SRXN1: variants seen among roughly 807,000 people sequenced by gnomAD.
The protein encoded by SRXN1 is sulfiredoxin 1.
Under a neutral mutation model 11.0 loss-of-function variants are expected in SRXN1, and 11 were observed. The ratio of observed to expected loss-of-function variants is 1.00; its 90% confidence interval spans 0.63 to 1.65. The LOEUF is 1.65. Among genes scored for constraint, SRXN1 ranks in the 40% most tolerant of loss-of-function variants. The probability of loss-of-function intolerance (pLI) is 0.00; values close to 1 mark genes in which losing one functional copy is unlikely to be tolerated. For synonymous variants in SRXN1, 106 were observed against 92.8 expected (o/e 1.14, Z -0.82); for missense variants, 211 against 194.5 (o/e 1.08, Z -0.50).
At chr20:650,831 C>T (rs1338466754) in intron 1 of SRXN1, among the ~76,000 whole-genome samples, 1 of 152,240 alleles carries the variant, frequency 6.6e-6, no homozygotes, top group Non-Finnish European at 1.5e-5. Context: ...CCAGGCAGGC[C>T]TTGTGCCGGG....
chr20:648,869 C>A lies in SRXN1; in HGVS notation c.259G>T (p.Ala87Ser), dbSNP rs1481622613. 10 of 1,614,070 alleles carry A rather than the reference C, an allele frequency of 6.2e-6. No homozygotes were observed. Among genetic ancestry groups the A allele is most frequent in the Non-Finnish European group, 8.5e-6 (10 of 1,180,052 alleles). ...PPIDVLWIKG[A>S]QGGDYFYSFG... ...GAGTAGAAGTAGTCACCTCCCTGGG[C>A]CCCTTTGATCCAGAGGACATCGATG... The change falls in exon 2 of 2, where the codon GCC (alanine) becomes TCC (serine). Residue 87 changes from alanine to serine, a missense_variant. Physicochemically the swap from Ala to Ser is moderately conservative, Grantham distance 99. Transcript: ENST00000381962.
Position 652,991 on chromosome 20 carries a change from G to T in SRXN1, c.195C>A (p.Leu65=), listed in dbSNP as rs373618818. The part of the protein sequence containing the change: ...SVLDPAKVQS[L]VDTIREDPDS... ...GAGGCCTCACCCGGATCGTGTCCAC[G>T]AGGCTCTGCACCTTGGCGGGGTCCA... Residue 65 remains leucine (L), a synonymous_variant, in exon 1 of 2, where the codon CTC becomes CTA. Coordinates refer to ENST00000381962, the MANE Select transcript of SRXN1 (RefSeq NM_080725.3). 3 of 1,553,584 alleles carry T rather than the reference G, an allele frequency of 1.9e-6. No individual in the cohort carries two copies. Among genetic ancestry groups the T allele is most frequent in the Non-Finnish European group, 2.6e-6 (3 of 1,150,132 alleles).
intron 1 of SRXN1, among the ~76,000 whole-genome samples, chr20:650,156 G>T (rs1352349509): frequency 6.6e-6 from 1 of 152,192 alleles, no homozygotes; most frequent in Non-Finnish European, 1.5e-5. Flanking sequence ...GCCCTGGAGT[G>T]TTGGCAACAG....
chr20:650,437 C>T (rs1983643181), intron 1 of SRXN1, among the ~76,000 whole-genome samples: 1 of 152,116 alleles, frequency 6.6e-6, no homozygotes, highest in Admixed American at 6.5e-5. Context: ...CTGTTAGGGG[C>T]CCACACAGCC....
In SRXN1 at chr20:648,863, C is replaced by A; in HGVS notation, c.265G>T (p.Gly89Ter). The A allele has an allele frequency of 6.2e-7, 1 of 1,614,208 alleles. No individual in the cohort carries two copies. ...CCAAAGGAGTAGAAGTAGTCACCTC[C>A]CTGGGCCCCTTTGATCCAGAGGACA... ...IDVLWIKGAQ[G>*]GDYFYSFGGC... Residue 89 changes from glycine to a stop codon, truncating the protein, a stop_gained, in exon 2 of 2, where the codon GGA (glycine) becomes TGA (stop). Coordinates refer to ENST00000381962, the MANE Select transcript of SRXN1 (RefSeq NM_080725.3). LOFTEE classifies it high-confidence loss of function.
chr20:652,985 G>T lies in SRXN1; in HGVS notation c.201C>A (p.Asp67Glu). 3 of 1,543,604 alleles carry T rather than the reference G, an allele frequency of 1.9e-6. No individual in the cohort carries two copies. The highest frequency in any genetic ancestry group is 2.4e-5 in the East Asian group (1 of 40,844). Residue 67 changes from aspartate to glutamate, a missense_variant, in exon 1 of 2, where the codon GAC (aspartate) becomes GAA (glutamate). Physicochemically the swap from Asp to Glu is conservative, Grantham distance 45 (BLOSUM62 2). Coordinates refer to ENST00000381962, the MANE Select transcript of SRXN1 (RefSeq NM_080725.3). ...LDPAKVQSLV[D>E]TIREDPDSVP... is the part of the protein sequence containing the mutation. ...CTCCCCGAGGCCTCACCCGGATCGT[G>T]TCCACGAGGCTCTGCACCTTGGCGG...
In SRXN1 at chr20:652,739, C is replaced by G. The variant is rs1033248287; in HGVS notation, c.210+237G>C. 3.3e-5 allele frequency among the ~76,000 whole-genome samples: 5 copies of G among 152,208 alleles called. No homozygotes were observed. In the South Asian group the frequency reaches 8.3e-4, roughly 25 times the overall value. On this transcript the variant is annotated intron_variant, in intron 1 of 1. Transcript: ENST00000381962. The stretch of plus-strand genomic sequence containing the variant: ...GTTCCTGGACCACTGCAAGCACTAG[C>G]GTTATAAGCGTTATCATCACTACTT...
chr20:648,837 C>T lies in SRXN1; in HGVS notation c.291G>A (p.Gly97=), dbSNP rs780262463. ...GGTAGGCCGCGTAGCGGTGGCAGCC[C>T]CCAAAGGAGTAGAAGTAGTCACCTC... ...AQGGDYFYSF[G]GCHRYAAYQQ... The change falls in exon 2 of 2, where the codon GGG becomes GGA. Residue 97 remains glycine (G), a synonymous_variant. Transcript: ENST00000381962. The T allele has an allele frequency of 6.2e-7, 1 of 1,614,130 alleles. No homozygotes were observed. Among genetic ancestry groups the T allele is most frequent in the Non-Finnish European group, 8.5e-7 (1 of 1,180,026 alleles).
chr20:650,918 AC>A (rs1260451720), intron 1 of SRXN1, among the ~76,000 whole-genome samples: 4 of 152,234 alleles, frequency 2.6e-5, no homozygotes, highest in African/African-American at 4.8e-5. Context: ...TGAATGTGTT[AC>A]CTTACATGGG....
chr20:651,683 T>TA (rs61107831), intron 1 of SRXN1, among the ~76,000 whole-genome samples: 5,840 of 118,178 alleles, frequency 0.049, 187 homozygotes, highest in South Asian at 0.2. Flanking sequence ...GACAACGTCT[T>TA]AAAAAAAAAA....
At chr20:650,633 G>A (rs890835676) in intron 1 of SRXN1, among the ~76,000 whole-genome samples, 2 of 152,206 alleles carry the variant, frequency 1.3e-5, no homozygotes, top group Admixed American at 6.5e-5. Context: ...TCACAAGCCT[G>A]AGCTCTGGAA....
rs186197790 is a variant in SRXN1 at position 647,454 on chromosome 20, T to C, written c.*1260A>G. The stretch of plus-strand genomic sequence containing the variant: ...TGTGATTTGCTCTGACCAAAAGAAC[T>C]TAGCAGAAGTGACACTGTCCTAGTC... On this transcript the variant is annotated 3_prime_UTR_variant, in exon 2 of 2. Transcript: ENST00000381962. The C allele has an allele frequency of 7.2e-5, 11 of 153,768 alleles. No homozygotes were observed. Among genetic ancestry groups the C allele is most frequent in the African/African-American group, 2.6e-4 (11 of 41,570 alleles). 9.5% of individuals were successfully genotyped at this position (153,768 alleles called of 1,614,324 possible).
intron 1 of SRXN1, among the ~76,000 whole-genome samples, chr20:649,956 T>C (rs1360623029): frequency 3.3e-5 from 5 of 152,172 alleles, no homozygotes; most frequent in East Asian, 1.9e-4. Flanking sequence ...ATGTATGCTG[T>C]GTATGACCTG....
rs1347026928 is a variant in SRXN1 at position 647,962 on chromosome 20, T to A, written c.*752A>T. On this transcript the variant is annotated 3_prime_UTR_variant, in exon 2 of 2. Coordinates refer to ENST00000381962, the MANE Select transcript of SRXN1 (RefSeq NM_080725.3). ...ATTCAGCCATGACAATTCTGTTCCCTGCTGTCTTAGCTTTGTTTGCAGCTA... is the reference window on the plus strand; with the variant it reads ...ATTCAGCCATGACAATTCTGTTCCCAGCTGTCTTAGCTTTGTTTGCAGCTA... 1 of 411,536 alleles carries A rather than the reference T, an allele frequency of 2.4e-6. No individual in the cohort carries two copies. Among genetic ancestry groups the A allele is most frequent in the African/African-American group, 2.0e-5 (1 of 49,012 alleles). The allele number at this position is 411,536 out of a possible 1,614,324, so 25.5% of individuals were successfully genotyped here. A position where few individuals can be genotyped will look rare whatever the true frequency, so the allele number is the denominator to read the frequency against.
intron 1 of SRXN1, among the ~76,000 whole-genome samples, chr20:651,556 C>T (rs866300814): frequency 2.0e-4 from 30 of 151,960 alleles, no homozygotes; most frequent in African/African-American, 6.8e-4. Flanking sequence ...TGGTGGTGGG[C>T]GCCTGTAATC....
intron 1 of SRXN1, 106 bp from the exon 2 acceptor site, chr20:649,023 G>C (rs549489365): frequency 2.6e-6 from 3 of 1,171,538 alleles, no homozygotes; most frequent in African/African-American, 3.1e-5. Flanking sequence ...GATCACACTG[G>C]ACTACTGTGA....
chr20:648,375 A>T lies in SRXN1; in HGVS notation c.*339T>A, dbSNP rs572640093. The T allele has an allele frequency of 1.3e-4, 64 of 505,122 alleles. No individual in the cohort carries two copies. The highest frequency in any genetic ancestry group is 1.2e-3 in the African/African-American group (61 of 52,226). 31.3% of individuals were successfully genotyped at this position (505,122 alleles called of 1,614,324 possible). A position where few individuals can be genotyped will look rare whatever the true frequency, so the allele number is the denominator to read the frequency against. On this transcript the variant is annotated 3_prime_UTR_variant, in exon 2 of 2. Transcript: ENST00000381962. ...CTTTCCTTGCAGCTGAATGTAGTCC[A>T]TATAAGAGGTTACATAGACAAAAAT...
chr20:653,041 G>C lies in SRXN1; in HGVS notation c.145C>G (p.Leu49Val), dbSNP rs1032821155. The C allele has an allele frequency of 2.6e-6, 4 of 1,566,052 alleles. No homozygotes were observed. The Admixed American group carries it at 7.2e-5, about 28-fold the overall frequency. The part of the protein sequence containing the change: ...AAVHNVPLSV[L>V]IRPLPSVLDP... ...AACACGGACGGCAGCGGCCGGATGA[G>C]CACGCTCAGCGGCACGTTGTGCACC... is the stretch of plus-strand genomic sequence containing the variant. Residue 49 changes from leucine to valine, a missense_variant, in exon 1 of 2, where the codon CTC (leucine) becomes GTC (valine). Physicochemically the swap from Leu to Val is conservative, Grantham distance 32. Transcript: ENST00000381962.
Position 648,557 on chromosome 20 carries a change from A to G in SRXN1, c.*157T>C. On this transcript the variant is annotated 3_prime_UTR_variant, in exon 2 of 2. Transcript: ENST00000381962. Reference sequence around the variant, plus strand: ...GCTCCCACACTGTACAGTGAGTCCAAGGCCTTGTAGCTGGTGAGAGGGGTG... The same window carrying G: ...GCTCCCACACTGTACAGTGAGTCCAGGGCCTTGTAGCTGGTGAGAGGGGTG... 4 of 789,050 alleles carry G rather than the reference A, an allele frequency of 5.1e-6. No homozygotes were observed. Among genetic ancestry groups the G allele is most frequent in the East Asian group, 2.5e-5 (1 of 39,378 alleles). 48.9% of individuals were successfully genotyped at this position (789,050 alleles called of 1,614,324 possible). A position where few individuals can be genotyped will look rare whatever the true frequency, so the allele number is the denominator to read the frequency against.
Sources: gnomAD v4.1 joint callset for allele counts (sites outside exome capture counted in the v4.1 genomes callset) on GRCh38, gnomAD v4.1.1 for gene constraint, MANE v1.5 for transcripts, NCBI Gene and HGNC (gene_info 2026-07-23, HGNC 2026-07-21) for gene names.